Variants in CELSR1 observed in about 807,000 individuals in gnomAD.
The protein encoded by CELSR1 is adhesion G protein-coupled receptor C1.
Under a neutral mutation model 249.1 loss-of-function variants are expected in CELSR1, and 110 were observed. The observed-to-expected ratio is 0.44, with a 90% confidence interval of 0.38 to 0.52. The LOEUF is 0.52. Among genes scored for constraint, CELSR1 ranks in the 20% least tolerant of loss-of-function variants. The pLI is 0.00. For missense variants in CELSR1, 4,109 were observed against 4,296.4 expected (o/e 0.96, Z 1.22); for synonymous variants, 2,113 against 1,900.0 (o/e 1.11, Z -2.92).
intron 1 of CELSR1, among the ~76,000 whole-genome samples, chr22:46,524,253 C>T (rs1195857980): frequency 6.6e-6 from 1 of 152,210 alleles, no homozygotes; most frequent in Non-Finnish European, 1.5e-5. Context: ...GAACAGGCAC[C>T]GCGGTGGTGG....
At chr22:46,451,621 C>A (rs1396517003) in intron 2 of CELSR1, among the ~76,000 whole-genome samples, 1 of 152,104 alleles carries the variant, frequency 6.6e-6, no homozygotes, top group Non-Finnish European at 1.5e-5. Flanking sequence ...GAATCACCCT[C>A]GGGGACACAG....
chr22:46,514,915 C>T lies in CELSR1; in HGVS notation c.3544+18712G>A, dbSNP rs117578800. Among the ~76,000 whole-genome samples the T allele has an allele frequency of 7.3e-3, 1,109 of 152,286 alleles. 5 individuals are homozygous for T. The highest frequency in any genetic ancestry group is 0.014 in the Middle Eastern group (4 of 294). ...AGGCCTGGGGGATGAGCACCTCAGA[C>T]GTGCTCTTTGCAGCTGGCATCCGCT... On this transcript the variant is annotated intron_variant, in intron 1 of 34. Transcript: ENST00000674500.
chr22:46,384,127 G>A (rs2079007407), intron 20 of CELSR1, among the ~76,000 whole-genome samples: 1 of 151,964 alleles, frequency 6.6e-6, no homozygotes, highest in Admixed American at 6.5e-5. Context: ...GTAGAGACGG[G>A]GTTTTACCAC....
chr22:46,433,722 T>C lies in CELSR1; in HGVS notation c.4523-241A>G, dbSNP rs2079624107. On this transcript the variant is annotated intron_variant, in intron 4 of 34. Coordinates refer to ENST00000674500, the MANE Select transcript of CELSR1 (RefSeq NM_001378328.1). The surrounding 1 kb of genome is among the most constrained non-coding windows in gnomAD (Gnocchi z 5.7). ...TGTTTTGAGATGGAGTCTTGCTCTG[T>C]CGCCCAGGCTGGAGTGCAGTGGCGT... 6.6e-6 allele frequency among the ~76,000 whole-genome samples: 1 copy of C among 152,204 alleles called. No homozygotes were observed. The highest frequency in any genetic ancestry group is 2.4e-5 in the African/African-American group (1 of 41,440).
Position 46,535,682 on chromosome 22 carries a change from T to C in CELSR1, c.1489A>G (p.Ser497Gly). ...DQGQNAAIHY[S>G]ILSGNVAGQF... ...CCGGCCACGTTCCCGCTGAGGATGCTGTAGTGAATGGCCGCGTTCTGGCCC... is the reference window on the plus strand; with the variant it reads ...CCGGCCACGTTCCCGCTGAGGATGCCGTAGTGAATGGCCGCGTTCTGGCCC... The change falls in exon 1 of 35, where the codon AGC becomes GGC. Residue 497 changes from serine (S) to glycine (G), a missense_variant. Ser to Gly is a moderately conservative substitution (Grantham distance 56). This residue lies in a region of CELSR1 where 135 missense variants were observed against 190.0 expected (regional missense o/e 0.71). Coordinates refer to ENST00000674500, the MANE Select transcript of CELSR1 (RefSeq NM_001378328.1). 1.2e-6 allele frequency: 2 copies of C among 1,613,040 alleles called. No individual in the cohort carries two copies. Among genetic ancestry groups the C allele is most frequent in the Non-Finnish European group, 1.7e-6 (2 of 1,180,006 alleles).
At position 46,386,873 on chromosome 22, in the gene CELSR1, C is replaced by T. The variant is rs540084511; in HGVS notation, c.6556-288G>A. 2.0e-3 allele frequency among the ~76,000 whole-genome samples: 302 copies of T among 152,276 alleles called. 1 individual carries two copies. Among genetic ancestry groups the T allele is most frequent in the Non-Finnish European group, 3.4e-3 (229 of 68,008 alleles). ...GGTTCAAGGAATTCTCTTGCTTCAA[C>T]CTCCCGAGTAGCTGGGATTACAGGC... On this transcript the variant is annotated intron_variant, in intron 18 of 34. Transcript: ENST00000674500.
At chr22:46,389,726 T>G (rs112922807) in intron 17 of CELSR1, among the ~76,000 whole-genome samples, 2,264 of 152,304 alleles carry the variant, frequency 0.015, 54 homozygotes, top group African/African-American at 0.051. Context: ...GACCAGCCTG[T>G]CCAATATGGT....
At chr22:46,392,906 A>G (rs1007767401) in intron 14 of CELSR1, among the ~76,000 whole-genome samples, 3 of 151,682 alleles carry the variant, frequency 2.0e-5, no homozygotes, top group Non-Finnish European at 4.4e-5. Flanking sequence ...TCGCCAATGC[A>G]CTCCCCATGT....
rs1041116680 is a variant in CELSR1, at chr22:46,393,938, T to C, written c.5964+204A>G. Among the ~76,000 whole-genome samples, 3 of 152,000 alleles carry C rather than the reference T, an allele frequency of 2.0e-5. No homozygotes were observed. Among genetic ancestry groups the C allele is most frequent in the Non-Finnish European group, 4.4e-5 (3 of 68,000 alleles). ...GTAGTTTACACGTGGAAAGCAGCCA[T>C]GGAGTATTCACAGAGCACGGGGGAG... On this transcript the variant is annotated intron_variant, in intron 14 of 34. Coordinates refer to ENST00000674500, the MANE Select transcript of CELSR1 (RefSeq NM_001378328.1). This position sits in a 1 kb window ranked among gnomAD's most constrained non-coding sequence, Gnocchi z 4.1.
Position 46,413,674 on chromosome 22 carries a change from A to C in CELSR1, c.4612-1915T>G, listed in dbSNP as rs2079363672. 6.6e-6 allele frequency among the ~76,000 whole-genome samples: 1 copy of C among 152,210 alleles called. No individual in the cohort carries two copies. Among genetic ancestry groups the C allele is most frequent in the East Asian group, 1.9e-4 (1 of 5,194 alleles). ...TTCTTTTACATCAGCTGATGAAATCACAAGGTCTGATAAGCTGTCTCCTTA... is the reference window on the plus strand; with the variant it reads ...TTCTTTTACATCAGCTGATGAAATCCCAAGGTCTGATAAGCTGTCTCCTTA... On this transcript the variant is annotated intron_variant, in intron 5 of 34. Coordinates refer to ENST00000674500, the MANE Select transcript of CELSR1 (RefSeq NM_001378328.1). The surrounding 1 kb of genome is among the most constrained non-coding windows in gnomAD (Gnocchi z 4.7).
Position 46,472,754 on chromosome 22 carries a change from G to A in CELSR1, c.3545-8409C>T, listed in dbSNP as rs534719479. Among the ~76,000 whole-genome samples the A allele has an allele frequency of 1.9e-4, 29 of 152,286 alleles. 1 individual carries two copies. In the East Asian group the frequency reaches 5.2e-3, roughly 27 times the overall value. On this transcript the variant is annotated intron_variant, in intron 1 of 34. Coordinates refer to ENST00000674500, the MANE Select transcript of CELSR1 (RefSeq NM_001378328.1). The surrounding 1 kb of genome is among the most constrained non-coding windows in gnomAD (Gnocchi z 7.0). ...GGGGTTTGTTCCTCCTGGAGGCTCAGGGGAGGGTCTGTTCCGGGCCCCTTT... is the reference window on the plus strand; with the variant it reads ...GGGGTTTGTTCCTCCTGGAGGCTCAAGGGAGGGTCTGTTCCGGGCCCCTTT...
rs1282572496 is a variant in CELSR1 at position 46,409,930 on chromosome 22, G to T, written c.4934-50C>A. On this transcript the variant is annotated intron_variant, in intron 7 of 34. Coordinates refer to ENST00000674500, the MANE Select transcript of CELSR1 (RefSeq NM_001378328.1). This position sits in a 1 kb window ranked among gnomAD's most constrained non-coding sequence, Gnocchi z 9.8. ...AGCCTGACTCGGAGGAACCGCCCGGGGTCCCCGGCGCCAGACGTGGCGTGG... is the reference window on the plus strand; with the variant it reads ...AGCCTGACTCGGAGGAACCGCCCGGTGTCCCCGGCGCCAGACGTGGCGTGG... 3 of 1,602,246 alleles carry T rather than the reference G, an allele frequency of 1.9e-6. No individual in the cohort carries two copies. In the East Asian group the frequency reaches 6.7e-5, roughly 36 times the overall value.
chr22:46,532,906 T>C (rs2080806963), intron 1 of CELSR1, among the ~76,000 whole-genome samples: 1 of 151,974 alleles, frequency 6.6e-6, no homozygotes, highest in African/African-American at 2.4e-5. Context: ...TGAGCCAAGG[T>C]TTCCTCTCCC....
intron 20 of CELSR1, 116 bp from the exon 21 acceptor site, chr22:46,382,166 C>T (rs1027436424): frequency 9.3e-6 from 9 of 965,444 alleles, no homozygotes; most frequent in Admixed American, 2.9e-5. Context: ...GAAAACAGTA[C>T]CGTGGGTCCC....
chr22:46,407,264 T>C lies in CELSR1; in HGVS notation c.5226+1732A>G, dbSNP rs2079276920. On this transcript the variant is annotated intron_variant, in intron 9 of 34. Coordinates refer to ENST00000674500, the MANE Select transcript of CELSR1 (RefSeq NM_001378328.1). This position sits in a 1 kb window ranked among gnomAD's most constrained non-coding sequence, Gnocchi z 4.8. ...ACATGCACACAGACATGCACAAATG[T>C]GCACGCATGGAGAGATGCACATACA... Among the ~76,000 whole-genome samples the C allele has an allele frequency of 6.6e-6, 1 of 152,190 alleles. No individual in the cohort carries two copies. The highest frequency in any genetic ancestry group is 1.5e-5 in the Non-Finnish European group (1 of 68,040).
chr22:46,408,906 GC>G lies in CELSR1; in HGVS notation c.5226+89del. ...GCCGGAGGAAGGGCGAGTAGCAGGT[GC>G]CCGAGTGTGCACCAGGAAGCCCAGC... On this transcript the variant is annotated intron_variant, in intron 9 of 34. Transcript: ENST00000674500. This position sits in a 1 kb window ranked among gnomAD's most constrained non-coding sequence, Gnocchi z 4.6. The G allele has an allele frequency of 9.3e-7, 1 of 1,080,470 alleles. No homozygotes were observed. Among genetic ancestry groups the G allele is most frequent in the Non-Finnish European group, 1.3e-6 (1 of 771,036 alleles). 66.9% of individuals were successfully genotyped at this position (1,080,470 alleles called of 1,614,324 possible).
intron 1 of CELSR1, among the ~76,000 whole-genome samples, chr22:46,532,712 G>T (rs182663458): frequency 1.1e-4 from 17 of 152,154 alleles, no homozygotes; most frequent in African/African-American, 4.1e-4. Flanking sequence ...TTGGATGCAC[G>T]GTCAGGCAAA....
chr22:46,425,571 G>A (rs148932050), intron 5 of CELSR1, among the ~76,000 whole-genome samples: 60 of 152,264 alleles, frequency 3.9e-4, no homozygotes, highest in South Asian at 4.1e-4. Flanking sequence ...CACATGTAGA[G>A]TTCTTTTTAT....
intron 1 of CELSR1, among the ~76,000 whole-genome samples, chr22:46,531,217 A>ATTTG (rs2080789007): frequency 6.6e-6 from 1 of 150,806 alleles, no homozygotes; most frequent in Non-Finnish European, 1.5e-5. Context: ...TTATTTATTT[A>ATTTG]TTTATTTTGA....
Sources: allele counts gnomAD v4.1 joint callset (sites outside exome capture counted in the v4.1 genomes callset), GRCh38; gene constraint gnomAD v4.1.1; regional missense constraint gnomAD v4.1.1; non-coding constraint Gnocchi (gnomAD v3.1); transcripts MANE v1.5; gene names NCBI Gene and HGNC (gene_info 2026-07-23, HGNC 2026-07-21).